Variants in SNTG1 observed in about 807,000 individuals in gnomAD.
SNTG1 encodes syntrophin gamma 1.
SNTG1 carries 39 observed loss-of-function variants against 74.7 expected under a neutral mutation model. The observed-to-expected ratio is 0.52, with a 90% CI of 0.40 to 0.68. SNTG1 has a LOEUF of 0.68. Ranked by LOEUF, SNTG1 falls within the 30% of genes least tolerant of loss-of-function variation. The pLI, the probability that SNTG1 is intolerant of heterozygous loss-of-function variation, is 0.00. For missense variants in SNTG1, 685 were observed against 609.5 expected (o/e 1.12, Z -1.30); for synonymous variants, 254 against 217.1 (o/e 1.17, Z -1.49).
At chr8:50,449,622 A>AT (rs545373238) in intron 5 of SNTG1, 46 bp from the exon 6 acceptor site, 100 of 1,464,024 alleles carry the variant, frequency 6.8e-5, no homozygotes, top group South Asian at 3.7e-4. Flanking sequence ...TAAAAGCAGC[A>AT]TTTTTTTTAG....
At chr8:50,220,434 G>A (rs1052736251) in intron 2 of SNTG1, among the ~76,000 whole-genome samples, 4 of 152,126 alleles carry the variant, frequency 2.6e-5, no homozygotes, top group Non-Finnish European at 4.4e-5. Flanking sequence ...AAACTATGCA[G>A]CTTTGTAACA....
At chr8:50,178,383 GTCTC>G (rs2083077726) in intron 2 of SNTG1, among the ~76,000 whole-genome samples, 2 of 137,158 alleles carry the variant, frequency 1.5e-5, no homozygotes, top group African/African-American at 2.8e-5. Context: ...GTCACTTTCT[GTCTC>G]TCTCTTCACA....
intron 12 of SNTG1, among the ~76,000 whole-genome samples, chr8:50,557,021 C>A (rs1210905683): frequency 6.6e-6 from 1 of 152,186 alleles, no homozygotes; most frequent in East Asian, 1.9e-4. Flanking sequence ...CACCCCATCT[C>A]ACACCACTCA....
intron 2 of SNTG1, among the ~76,000 whole-genome samples, chr8:50,318,231 C>T (rs1456178325): frequency 6.6e-6 from 1 of 152,068 alleles, no homozygotes; most frequent in Non-Finnish European, 1.5e-5. Flanking sequence ...TCTGTTCTTG[C>T]AGCTGTTCTC....
chr8:50,674,971 G>GTGTT (rs2095303375), intron 15 of SNTG1, among the ~76,000 whole-genome samples: 1 of 152,000 alleles, frequency 6.6e-6, no homozygotes, highest in African/African-American at 2.4e-5. Context: ...GTAATTGTGT[G>GTGTT]TGTTTGAGTG....
rs186582534 is a variant in SNTG1 at position 50,549,541 on chromosome 8, A to C, written c.681-3509A>C. ...ACAGAGAGATATTTCTAAAATATAA[A>C]CATGATCCTTTTCCTCCAATGCTTC... On this transcript the variant is annotated intron_variant, in intron 11 of 18. Transcript: ENST00000642720. 5.5e-4 allele frequency among the ~76,000 whole-genome samples: 83 copies of C among 152,230 alleles called. 1 individual carries two copies. In the East Asian group the frequency reaches 9.3e-3, roughly 17 times the overall value.
intron 9 of SNTG1, among the ~76,000 whole-genome samples, chr8:50,508,410 A>T (rs899270100): frequency 6.6e-6 from 1 of 152,190 alleles, no homozygotes; most frequent in Non-Finnish European, 1.5e-5. Flanking sequence ...TAGCAGCATG[A>T]CTTATAATCC....
chr8:50,285,763 C>T (rs540888517), intron 2 of SNTG1, among the ~76,000 whole-genome samples: 147 of 150,406 alleles, frequency 9.8e-4, no homozygotes, highest in African/African-American at 3.4e-3. Context: ...ACCATAAGGG[C>T]GTCATTCTTT....
intron 17 of SNTG1, among the ~76,000 whole-genome samples, chr8:50,725,681 C>T (rs528379469): frequency 6.6e-6 from 1 of 152,110 alleles, no homozygotes; most frequent in African/African-American, 2.4e-5. Flanking sequence ...GGCTGTTACA[C>T]CAACTGGCTC....
At position 50,437,746 on chromosome 8, in the gene SNTG1, C is replaced by T. The variant is rs79573728; in HGVS notation, c.163-797C>T. On this transcript the variant is annotated intron_variant, in intron 4 of 18. Coordinates refer to ENST00000642720, the MANE Select transcript of SNTG1 (RefSeq NM_018967.5). ...GGAGCAAGCTATAAGTTAAAGCGTT[C>T]AGCCCTATAGCATGCCTCCGCAGTA... Among the ~76,000 whole-genome samples the T allele has an allele frequency of 3.3e-3, 507 of 152,292 alleles. 5 individuals carry two copies. The highest frequency in any genetic ancestry group is 0.011 in the African/African-American group (473 of 41,562).
At chr8:50,220,619 T>C (rs907359355) in intron 2 of SNTG1, among the ~76,000 whole-genome samples, 4 of 152,018 alleles carry the variant, frequency 2.6e-5, no homozygotes, top group Admixed American at 6.6e-5. Context: ...AAACTGGCAG[T>C]TGGGAGGAGC....
chr8:50,243,865 T>G (rs1350446882), intron 2 of SNTG1, among the ~76,000 whole-genome samples: 1 of 152,186 alleles, frequency 6.6e-6, no homozygotes, highest in African/African-American at 2.4e-5. Flanking sequence ...TAATATCTCC[T>G]TTTTCTTCAT....
chr8:50,638,744 C>T (rs892820503), intron 13 of SNTG1, among the ~76,000 whole-genome samples: 1 of 152,004 alleles, frequency 6.6e-6, no homozygotes, highest in African/African-American at 2.4e-5. Context: ...CAGAAGAAAA[C>T]CCTCTCAAGT....
At chr8:50,547,572 T>A in intron 11 of SNTG1, among the ~76,000 whole-genome samples, 1 of 150,258 alleles carries the variant, frequency 6.7e-6, no homozygotes, top group Non-Finnish European at 1.5e-5. Context: ...TATAACACAC[T>A]TATTTAATGA....
At chr8:50,531,601 G>A (rs2094268572) in intron 10 of SNTG1, among the ~76,000 whole-genome samples, 1 of 152,110 alleles carries the variant, frequency 6.6e-6, no homozygotes, top group Non-Finnish European at 1.5e-5. Flanking sequence ...GGAGGTGTTG[G>A]CTGTGCCCAT....
At chr8:50,297,880 CTT>C (rs35875751) in intron 2 of SNTG1, among the ~76,000 whole-genome samples, 30 of 137,440 alleles carry the variant, frequency 2.2e-4, no homozygotes, top group Middle Eastern at 3.7e-3. Flanking sequence ...AAATATGTGG[CTT>C]TTTTTTTTTT....
intron 8 of SNTG1, among the ~76,000 whole-genome samples, chr8:50,455,989 T>G (rs1019905975): frequency 1.4e-4 from 22 of 152,336 alleles, no homozygotes; most frequent in African/African-American, 5.3e-4. Context: ...AATTTAACTT[T>G]GAATATTTCT....
intron 13 of SNTG1, among the ~76,000 whole-genome samples, chr8:50,649,022 A>G (rs2095127920): frequency 6.6e-6 from 1 of 152,152 alleles, no homozygotes; most frequent in South Asian, 2.1e-4. Context: ...CTTGAGATTC[A>G]TTCATGTTGT....
intron 1 of SNTG1, among the ~76,000 whole-genome samples, chr8:49,931,528 C>A (rs1325557823): frequency 6.6e-6 from 1 of 152,138 alleles, no homozygotes; most frequent in Admixed American, 6.6e-5. Flanking sequence ...TGCAGCAAAC[C>A]TGCACATGTA....
Sources: allele counts gnomAD v4.1 joint callset (sites outside exome capture counted in the v4.1 genomes callset), GRCh38; gene constraint gnomAD v4.1.1; transcripts MANE v1.5; gene names NCBI Gene and HGNC (gene_info 2026-07-23, HGNC 2026-07-21).